Variants in TNFSF4 observed in about 807,000 individuals in gnomAD.
The protein encoded by TNFSF4 is tumor necrosis factor ligand superfamily member 4.
Under a neutral mutation model 7.3 loss-of-function variants are expected in TNFSF4, and 4 were observed. The observed-to-expected ratio is 0.55, with a 90% CI of 0.27 to 1.25. TNFSF4 has a LOEUF of 1.25. Among genes scored for constraint, TNFSF4 ranks in the 50% most tolerant of loss-of-function variants. The probability of loss-of-function intolerance (pLI) is 0.12; values close to 1 mark genes in which losing one functional copy is unlikely to be tolerated. For missense variants in TNFSF4, 181 were observed against 208.8 expected (o/e 0.87, Z 0.82); for synonymous variants, 76 against 83.7 (o/e 0.91, Z 0.50).
At chr1:173,450,172 T>C in the TNFSF4 span, among the ~76,000 whole-genome samples, 1 of 151,998 alleles carries the variant, frequency 6.6e-6, no homozygotes, top group Non-Finnish European at 1.5e-5. Context: ...TTTGACAAAA[T>C]GCACTAATTT....
At chr1:173,227,116 T>G in the TNFSF4 span, among the ~76,000 whole-genome samples, 2 of 151,750 alleles carry the variant, frequency 1.3e-5, no homozygotes, top group Admixed American at 1.3e-4. Context: ...TCTTTTGTTT[T>G]TTTTTTTTTT....
chr1:173,227,523 T>C, the TNFSF4 span, among the ~76,000 whole-genome samples: 1 of 152,200 alleles, frequency 6.6e-6, no homozygotes, highest in Non-Finnish European at 1.5e-5. Flanking sequence ...GATTTCTGCA[T>C]TTCCAACTGA....
At chr1:173,360,535 C>T in the TNFSF4 span, among the ~76,000 whole-genome samples, 54 of 152,340 alleles carry the variant, frequency 3.5e-4, no homozygotes, top group African/African-American at 1.3e-3. Context: ...AATCCTGAGA[C>T]TAGCTGCGAA....
At chr1:173,199,177 G>C (rs780810216) in intron 1 of TNFSF4, among the ~76,000 whole-genome samples, 2 of 152,176 alleles carry the variant, frequency 1.3e-5, no homozygotes, top group Non-Finnish European at 2.9e-5. Flanking sequence ...AGGGCAGGGA[G>C]GACCACGTCT....
the TNFSF4 span, among the ~76,000 whole-genome samples, chr1:173,426,235 C>T: frequency 1.3e-5 from 2 of 152,122 alleles, no homozygotes; most frequent in African/African-American, 4.8e-5. Context: ...AGGAGCTTCC[C>T]TTAGTCAGAT....
At chr1:173,382,097 G>C in the TNFSF4 span, among the ~76,000 whole-genome samples, 11 of 152,200 alleles carry the variant, frequency 7.2e-5, no homozygotes, top group Admixed American at 7.2e-4. Context: ...AATAAATCTT[G>C]CTGCTGCTCA....
At chr1:173,323,764 G>A in the TNFSF4 span, among the ~76,000 whole-genome samples, 10,643 of 152,126 alleles carry the variant, frequency 0.07, 421 homozygotes, top group East Asian at 0.11. Context: ...GGGTACCAGC[G>A]ATGGGAGACA....
At chr1:173,218,995 T>C in the TNFSF4 span, among the ~76,000 whole-genome samples, 2 of 152,214 alleles carry the variant, frequency 1.3e-5, no homozygotes, top group African/African-American at 2.4e-5. Context: ...TGAGAGCCAA[T>C]TGCCAATTGT....
chr1:173,327,863 G>A, the TNFSF4 span, among the ~76,000 whole-genome samples: 1 of 152,016 alleles, frequency 6.6e-6, no homozygotes, highest in Non-Finnish European at 1.5e-5. Context: ...AACAGGTGCT[G>A]GAGAGGATGT....
the TNFSF4 span, among the ~76,000 whole-genome samples, chr1:173,330,349 TTTG>T: frequency 6.6e-6 from 1 of 150,952 alleles, no homozygotes; most frequent in South Asian, 2.1e-4. Flanking sequence ...TTATATATGT[TTTG>T]TTAATAAATT....
chr1:173,409,599 A>G, the TNFSF4 span, among the ~76,000 whole-genome samples: 1 of 152,228 alleles, frequency 6.6e-6, no homozygotes, highest in African/African-American at 2.4e-5. Flanking sequence ...GAAAGTCATC[A>G]AACTTTTTAA....
intron 1 of TNFSF4, among the ~76,000 whole-genome samples, chr1:173,192,890 G>A (rs1200322363): frequency 2.0e-5 from 3 of 152,140 alleles, no homozygotes; most frequent in Non-Finnish European, 4.4e-5. Flanking sequence ...ATATGTCAGT[G>A]ATCAGGACCT....
chr1:173,358,703 G>A, the TNFSF4 span, among the ~76,000 whole-genome samples: 1 of 152,194 alleles, frequency 6.6e-6, no homozygotes. Context: ...TGCATATTCT[G>A]ACAATGGAAT....
chr1:173,269,769 GT>G, the TNFSF4 span, among the ~76,000 whole-genome samples: 2 of 152,112 alleles, frequency 1.3e-5, no homozygotes, highest in Non-Finnish European at 2.9e-5. Flanking sequence ...TCAGGCCATG[GT>G]TGACCACTGG....
chr1:173,374,893 G>T, the TNFSF4 span, among the ~76,000 whole-genome samples: 1 of 152,140 alleles, frequency 6.6e-6, no homozygotes, highest in African/African-American at 2.4e-5. Context: ...AACTGGAATA[G>T]CCAGTTTATG....
chr1:173,428,243 C>A, the TNFSF4 span, among the ~76,000 whole-genome samples: 1 of 152,208 alleles, frequency 6.6e-6, no homozygotes, highest in Non-Finnish European at 1.5e-5. Flanking sequence ...CCACGCCCGA[C>A]CTCTATTATA....
the TNFSF4 span, among the ~76,000 whole-genome samples, chr1:173,291,044 T>C: frequency 6.6e-6 from 1 of 152,186 alleles, no homozygotes; most frequent in African/African-American, 2.4e-5. Flanking sequence ...AAGAAATACC[T>C]GTGGCTGAGT....
chr1:173,294,851 A>G, the TNFSF4 span, among the ~76,000 whole-genome samples: 2 of 152,010 alleles, frequency 1.3e-5, no homozygotes, highest in Non-Finnish European at 2.9e-5. Flanking sequence ...TTTGCAGTAC[A>G]TATGACTGAA....
At chr1:173,398,872 C>A in the TNFSF4 span, among the ~76,000 whole-genome samples, 1 of 152,150 alleles carries the variant, frequency 6.6e-6, no homozygotes, top group African/African-American at 2.4e-5. Flanking sequence ...ATTCTGGAGG[C>A]AACATATTCT....
Sources: allele counts gnomAD v4.1 joint callset (sites outside exome capture counted in the v4.1 genomes callset), GRCh38; gene constraint gnomAD v4.1.1; transcripts MANE v1.5; gene names NCBI Gene and HGNC (gene_info 2026-07-23, HGNC 2026-07-21).